EYS: variants seen among roughly 807,000 people sequenced by gnomAD.
The protein encoded by EYS is EGF-like photoreceptor maintenance factor.
EYS carries 250 observed loss-of-function variants against 282.1 expected under a neutral mutation model. The observed-to-expected ratio is 0.89, with a 90% CI of 0.80 to 0.98. The LOEUF (loss-of-function observed/expected upper bound fraction) is 0.98, where lower values mean the gene tolerates loss of function less well. Ranked by LOEUF, EYS falls within the 50% of genes least tolerant of loss-of-function variation. EYS has a pLI of 0.00. For missense variants in EYS, 4,016 were observed against 3,709.0 expected (o/e 1.08, Z -2.15); for synonymous variants, 1,355 against 1,282.9 (o/e 1.06, Z -1.20).
chr6:64,956,923 A>C (rs571161219), intron 14 of EYS, among the ~76,000 whole-genome samples: 22 of 152,296 alleles, frequency 1.4e-4, no homozygotes, highest in Non-Finnish European at 3.2e-4. Context: ...AGACGCAACA[A>C]CAAATGCCGG....
At chr6:65,510,472 T>A (rs559427391) in intron 2 of EYS, among the ~76,000 whole-genome samples, 4 of 152,206 alleles carry the variant, frequency 2.6e-5, no homozygotes, top group African/African-American at 9.6e-5. Flanking sequence ...AAATGGGATA[T>A]ACATTTTTAA....
chr6:65,514,051 C>A (rs1243482990), intron 2 of EYS, among the ~76,000 whole-genome samples: 1 of 152,048 alleles, frequency 6.6e-6, no homozygotes, highest in Non-Finnish European at 1.5e-5. Context: ...CCCATTGTCT[C>A]AGCCCAAAAT....
At chr6:64,659,664 C>T (rs1445077456) in intron 22 of EYS, among the ~76,000 whole-genome samples, 1 of 152,124 alleles carries the variant, frequency 6.6e-6, no homozygotes, top group Non-Finnish European at 1.5e-5. Flanking sequence ...TTGACACATA[C>T]ACCCTCCCAA....
chr6:64,772,282 A>G (rs1366261068), intron 22 of EYS, among the ~76,000 whole-genome samples: 3 of 151,702 alleles, frequency 2.0e-5, no homozygotes, highest in African/African-American at 7.2e-5. Context: ...TGTTTTTCAA[A>G]AGTTTGTGAA....
chr6:63,960,560 A>T (rs377715681), intron 35 of EYS, among the ~76,000 whole-genome samples: 1 of 152,340 alleles, frequency 6.6e-6, no homozygotes, highest in South Asian at 2.1e-4. Flanking sequence ...AGCATTGGGT[A>T]CTACAGAGAA....
chr6:64,160,761 G>A (rs1385065407), intron 31 of EYS, among the ~76,000 whole-genome samples: 1 of 152,216 alleles, frequency 6.6e-6, no homozygotes, highest in Non-Finnish European at 1.5e-5. Flanking sequence ...TTAAAAGGAG[G>A]TGTGTGCACC....
At chr6:64,544,043 A>T (rs188547834) in intron 26 of EYS, among the ~76,000 whole-genome samples, 3 of 152,306 alleles carry the variant, frequency 2.0e-5, no homozygotes, top group Non-Finnish European at 2.9e-5. Flanking sequence ...TTTCTTAGGA[A>T]TTATTATCTA....
At chr6:64,704,511 TATTATAATTATAATACTTATAATA>T (rs1403875968) in intron 22 of EYS, among the ~76,000 whole-genome samples, 228 of 144,516 alleles carry the variant, frequency 1.6e-3, no homozygotes, top group African/African-American at 5.4e-3. Flanking sequence ...CTTATAATAA[TATTATAATTATAATACTTATAATA>T]ATATTATAAT....
chr6:63,950,219 A>C (rs1471471326), intron 35 of EYS, among the ~76,000 whole-genome samples: 1 of 151,818 alleles, frequency 6.6e-6, no homozygotes, highest in East Asian at 1.9e-4. Context: ...AAAAAAACAA[A>C]ACCTGCTTGT....
chr6:64,527,780 T>C (rs1440046254), intron 26 of EYS, among the ~76,000 whole-genome samples: 1 of 151,770 alleles, frequency 6.6e-6, no homozygotes, highest in Non-Finnish European at 1.5e-5. Flanking sequence ...CCAAAGTATA[T>C]GTTTTTTGTT....
intron 30 of EYS, among the ~76,000 whole-genome samples, chr6:64,296,598 A>ATATATTTT (rs1561913902): frequency 5.0e-5 from 1 of 20,130 alleles, no homozygotes; most frequent in African/African-American, 1.6e-4. Flanking sequence ...ATATATATAT[A>ATATATTTT]TTTTTTTTTT....
At chr6:64,212,326 T>G (rs981896024) in intron 31 of EYS, among the ~76,000 whole-genome samples, 1 of 151,800 alleles carries the variant, frequency 6.6e-6, no homozygotes, top group Non-Finnish European at 1.5e-5. Context: ...GCTATATAAT[T>G]AACATAAATA....
chr6:65,360,252 G>A (rs1764650779), intron 8 of EYS, among the ~76,000 whole-genome samples: 2 of 151,846 alleles, frequency 1.3e-5, no homozygotes, highest in Admixed American at 1.3e-4. Flanking sequence ...TTAAAGAAAT[G>A]TAATGATCTT....
chr6:64,048,517 G>C (rs1256810929), intron 33 of EYS, among the ~76,000 whole-genome samples: 1 of 152,066 alleles, frequency 6.6e-6, no homozygotes, highest in African/African-American at 2.4e-5. Context: ...CTTGGTCATG[G>C]GAAAGGAGGG....
At chr6:64,347,791 T>G (rs2150401229) in intron 29 of EYS, among the ~76,000 whole-genome samples, 1 of 151,458 alleles carries the variant, frequency 6.6e-6, no homozygotes, top group Non-Finnish European at 1.5e-5. Flanking sequence ...ACCCCTTTCC[T>G]AATACCTGGA....
At chr6:65,514,147 A>C (rs1254385735) in intron 2 of EYS, among the ~76,000 whole-genome samples, 1 of 152,006 alleles carries the variant, frequency 6.6e-6, no homozygotes, top group African/African-American at 2.4e-5. Flanking sequence ...TACACCAATA[A>C]CAGACAAACA....
chr6:65,435,393 T>TCA (rs1768036719), intron 5 of EYS, among the ~76,000 whole-genome samples: 1 of 151,922 alleles, frequency 6.6e-6, no homozygotes, highest in African/African-American at 2.4e-5. Context: ...AAATTTTGTT[T>TCA]TATATATATG....
rs372981990 is a variant in EYS, at chr6:65,087,990, G to C, written c.2024-30263C>G. 3.3e-4 allele frequency among the ~76,000 whole-genome samples: 51 copies of C among 152,242 alleles called. 1 individual carries two copies. The East Asian group carries it at 4.5e-3, about 13-fold the overall frequency. ...TGTGAGATCTGATGGTTTTATAAGA[G>C]TCAGGCATCTTCCCTGTTTGCACTC... On this transcript the variant is annotated intron_variant, in intron 12 of 42. Coordinates refer to ENST00000503581, the MANE Select transcript of EYS (RefSeq NM_001142800.2).
At chr6:65,371,920 A>G (rs1309572791) in intron 8 of EYS, among the ~76,000 whole-genome samples, 5 of 151,694 alleles carry the variant, frequency 3.3e-5, no homozygotes, top group Admixed American at 6.6e-5. Context: ...AATTGTACTC[A>G]TATGGAATTC....
Sources: gnomAD v4.1 joint callset for allele counts (sites outside exome capture counted in the v4.1 genomes callset) on GRCh38, gnomAD v4.1.1 for gene constraint, MANE v1.5 for transcripts, NCBI Gene and HGNC (gene_info 2026-07-23, HGNC 2026-07-21) for gene names.